The following CYP7B1 variants were observed in gnomAD, a reference collection of about 807,000 sequenced individuals.
The protein encoded by CYP7B1 is cytochrome P450 family 7 subfamily B member 1.
Under a neutral mutation model 42.7 loss-of-function variants are expected in CYP7B1, and 29 were observed. That is an observed-to-expected ratio of 0.68 (90% confidence interval 0.51 to 0.93). CYP7B1 has a LOEUF of 0.93. CYP7B1 is among the 40% of genes least tolerant of loss of function. CYP7B1 has a pLI of 0.00. For missense variants in CYP7B1, 655 were observed against 600.5 expected (o/e 1.09, Z -0.95); for synonymous variants, 235 against 218.2 (o/e 1.08, Z -0.68).
At chr8:64,779,136 G>A (rs973260533) in intron 1 of CYP7B1, among the ~76,000 whole-genome samples, 1 of 151,994 alleles carries the variant, frequency 6.6e-6, no homozygotes, top group Non-Finnish European at 1.5e-5. Context: ...TAAAGGGGGA[G>A]TGCAAATGTC....
chr8:64,622,021 T>A (rs1585812602), intron 2 of CYP7B1, among the ~76,000 whole-genome samples: 1 of 151,042 alleles, frequency 6.6e-6, no homozygotes, highest in Non-Finnish European at 1.5e-5. Flanking sequence ...GGCAAAGGAG[T>A]AAGTTGTGAT....
At chr8:64,763,506 C>T (rs1585901004) in intron 1 of CYP7B1, among the ~76,000 whole-genome samples, 4 of 152,208 alleles carry the variant, frequency 2.6e-5, no homozygotes, top group Admixed American at 2.6e-4. Context: ...GAGTAATATC[C>T]GACCACTTTC....
intron 1 of CYP7B1, among the ~76,000 whole-genome samples, chr8:64,767,681 A>G (rs1427878737): frequency 6.6e-6 from 1 of 152,254 alleles, no homozygotes; most frequent in African/African-American, 2.4e-5. Context: ...GCAGATAGTC[A>G]GGGCCTGTGA....
At chr8:64,620,462 C>A (rs923258406) in intron 2 of CYP7B1, among the ~76,000 whole-genome samples, 1 of 152,134 alleles carries the variant, frequency 6.6e-6, no homozygotes, top group East Asian at 1.9e-4. Flanking sequence ...CACCACCACA[C>A]AAAACCAATT....
chr8:64,737,301 A>T (rs894002589), intron 1 of CYP7B1, among the ~76,000 whole-genome samples: 8 of 152,176 alleles, frequency 5.3e-5, no homozygotes, highest in Non-Finnish European at 1.0e-4. Context: ...ATAAAGAAAA[A>T]ATGTACATAA....
intron 1 of CYP7B1, among the ~76,000 whole-genome samples, chr8:64,747,011 T>C (rs932335424): frequency 6.6e-6 from 1 of 151,512 alleles, no homozygotes; most frequent in Non-Finnish European, 1.5e-5. Flanking sequence ...TGTAAGTTAC[T>C]ATTATGGAGT....
At chr8:64,606,950 T>TA (rs979762111) in intron 4 of CYP7B1, among the ~76,000 whole-genome samples, 57 of 152,090 alleles carry the variant, frequency 3.7e-4, no homozygotes, top group Admixed American at 2.4e-3. Context: ...AACTGCACAA[T>TA]AAAAAAATTG....
intron 1 of CYP7B1, among the ~76,000 whole-genome samples, chr8:64,795,407 G>C (rs112078718): frequency 6.6e-6 from 1 of 152,160 alleles, no homozygotes; most frequent in Non-Finnish European, 1.5e-5. Flanking sequence ...TTCATCAGGC[G>C]ATCTCAACTT....
chr8:64,778,624 A>G (rs1297448234), intron 1 of CYP7B1, among the ~76,000 whole-genome samples: 1 of 152,124 alleles, frequency 6.6e-6, no homozygotes, highest in Non-Finnish European at 1.5e-5. Context: ...TAAACTGTCT[A>G]TAATTAATTC....
intron 1 of CYP7B1, among the ~76,000 whole-genome samples, chr8:64,715,122 A>G (rs2129632739): frequency 6.6e-6 from 1 of 152,288 alleles, no homozygotes; most frequent in South Asian, 2.1e-4. Context: ...ATTTGATAGA[A>G]ATTAAGATTT....
intron 1 of CYP7B1, among the ~76,000 whole-genome samples, chr8:64,636,789 C>G (rs937278339): frequency 5.3e-5 from 8 of 152,098 alleles, no homozygotes; most frequent in Non-Finnish European, 1.2e-4. Context: ...GAAAGCGAGT[C>G]AAAAATGTTT....
At chr8:64,653,644 T>C (rs200473106) in intron 1 of CYP7B1, among the ~76,000 whole-genome samples, 2 of 152,208 alleles carry the variant, frequency 1.3e-5, no homozygotes, top group East Asian at 3.8e-4. Flanking sequence ...CCCCGTCACA[T>C]TCTGTGAGGC....
chr8:64,768,716 T>G (rs1804153971), intron 1 of CYP7B1, among the ~76,000 whole-genome samples: 1 of 152,192 alleles, frequency 6.6e-6, no homozygotes, highest in African/African-American at 2.4e-5. Flanking sequence ...GCAAAGTAGC[T>G]TATCTAAGAT....
At chr8:64,744,853 T>C (rs1240919243) in intron 1 of CYP7B1, among the ~76,000 whole-genome samples, 1 of 152,222 alleles carries the variant, frequency 6.6e-6, no homozygotes. Context: ...TATGTATTCC[T>C]TAGCAAATAA....
At chr8:64,733,485 G>C (rs969001781) in intron 1 of CYP7B1, among the ~76,000 whole-genome samples, 8 of 152,178 alleles carry the variant, frequency 5.3e-5, no homozygotes, top group African/African-American at 1.9e-4. Flanking sequence ...CCCAGCAGTA[G>C]TGAGCAGTAT....
At chr8:64,635,059 A>G (rs970889827) in intron 1 of CYP7B1, among the ~76,000 whole-genome samples, 5 of 152,236 alleles carry the variant, frequency 3.3e-5, no homozygotes, top group African/African-American at 9.6e-5. Context: ...AACATGTGAC[A>G]CACAGCACAC....
At chr8:64,639,289 C>T (rs1334764595) in intron 1 of CYP7B1, among the ~76,000 whole-genome samples, 1 of 151,982 alleles carries the variant, frequency 6.6e-6, no homozygotes, top group Non-Finnish European at 1.5e-5. Context: ...GTTATTGCAA[C>T]AGGATTTTAC....
chr8:64,775,148 T>G (rs572631751), intron 1 of CYP7B1, among the ~76,000 whole-genome samples: 1 of 150,304 alleles, frequency 6.7e-6, no homozygotes, highest in Non-Finnish European at 1.5e-5. Context: ...GTAAATAAAT[T>G]CCATAAAAAA....
At chr8:64,657,440 G>A (rs4397440) in intron 1 of CYP7B1, among the ~76,000 whole-genome samples, 9,966 of 152,148 alleles carry the variant, frequency 0.066, 393 homozygotes, top group South Asian at 0.16. Context: ...ATGTTCTCCC[G>A]ACATTCTTTC....
Sources: gnomAD v4.1 joint callset for allele counts (sites outside exome capture counted in the v4.1 genomes callset) on GRCh38, gnomAD v4.1.1 for gene constraint, MANE v1.5 for transcripts, NCBI Gene and HGNC (gene_info 2026-07-23, HGNC 2026-07-21) for gene names.